Variants in VAV3 observed in about 807,000 individuals in gnomAD.
The protein encoded by VAV3 is guanine nucleotide exchange factor VAV3.
In VAV3, 94 loss-of-function variants were observed where a neutral mutation model predicts 131.2. That is an observed-to-expected ratio of 0.72 (90% CI 0.61 to 0.85). The LOEUF (loss-of-function observed/expected upper bound fraction) is 0.85. Ranked by LOEUF, VAV3 falls within the 40% of genes least tolerant of loss-of-function variation. The probability of loss-of-function intolerance (pLI) is 0.00; values close to 1 mark genes in which losing one functional copy is unlikely to be tolerated. For missense variants in VAV3, 939 were observed against 1,002.7 expected (o/e 0.94, Z 0.86); for synonymous variants, 349 against 342.0 (o/e 1.02, Z -0.22).
chr1:107,770,805 A>G, intron 5 of VAV3, 77 bp from the exon 6 acceptor site: 1 of 1,214,168 alleles, frequency 8.2e-7, no homozygotes, highest in African/African-American at 1.5e-5. Context: ...GATCAAAAGC[A>G]TTGCTGACTT....
chr1:107,806,635 C>A (rs1667070139), intron 2 of VAV3, among the ~76,000 whole-genome samples: 1 of 152,102 alleles, frequency 6.6e-6, no homozygotes, highest in Admixed American at 6.5e-5. Context: ...TAATAAAGCA[C>A]AGTGAACAAT....
At chr1:107,741,309 T>C (rs1213902698) in intron 15 of VAV3, among the ~76,000 whole-genome samples, 1 of 152,232 alleles carries the variant, frequency 6.6e-6, no homozygotes, top group African/African-American at 2.4e-5. Flanking sequence ...TAATTTTGAA[T>C]TGCTGGGTAA....
intron 4 of VAV3, among the ~76,000 whole-genome samples, chr1:107,775,497 G>A (rs1223967107): frequency 7.5e-6 from 1 of 132,860 alleles, no homozygotes; most frequent in East Asian, 2.6e-4. Flanking sequence ...AGAATCACTT[G>A]AACCCAGGAG....
chr1:107,868,751 A>C (rs562627576), intron 2 of VAV3, among the ~76,000 whole-genome samples: 1 of 152,314 alleles, frequency 6.6e-6, no homozygotes, highest in East Asian at 1.9e-4. Context: ...AACTTCGGTA[A>C]TAAAGATTAA....
At chr1:107,866,682 G>A (rs1188438816) in intron 2 of VAV3, among the ~76,000 whole-genome samples, 1 of 151,758 alleles carries the variant, frequency 6.6e-6, no homozygotes, top group Non-Finnish European at 1.5e-5. Flanking sequence ...AATTACCCAG[G>A]CATGATGGTG....
At chr1:107,587,912 G>T (rs1385157536) in intron 25 of VAV3, among the ~76,000 whole-genome samples, 1 of 152,104 alleles carries the variant, frequency 6.6e-6, no homozygotes. Flanking sequence ...TTTCAATTTA[G>T]AACATGAGGT....
chr1:107,623,936 T>C (rs1653796282), intron 20 of VAV3, among the ~76,000 whole-genome samples: 1 of 152,204 alleles, frequency 6.6e-6, no homozygotes, highest in South Asian at 2.1e-4. Context: ...AAGAAACTCA[T>C]ACCTTGGTCT....
intron 20 of VAV3, among the ~76,000 whole-genome samples, chr1:107,638,044 T>C (rs1300397250): frequency 6.6e-6 from 1 of 152,178 alleles, no homozygotes; most frequent in Non-Finnish European, 1.5e-5. Context: ...AAACTAGGAA[T>C]AGAAGGCAAT....
chr1:107,954,231 C>T (rs1285565459), intron 1 of VAV3, among the ~76,000 whole-genome samples: 1 of 152,040 alleles, frequency 6.6e-6, no homozygotes, highest in Non-Finnish European at 1.5e-5. Flanking sequence ...AAAAAAATGC[C>T]CTATCAAAGC....
At chr1:107,668,872 C>A (rs772409541) in intron 19 of VAV3, 152 of 985,364 alleles carry the variant, frequency 1.5e-4, no homozygotes, top group Non-Finnish European at 1.8e-4. Flanking sequence ...TAGCTTCTAG[C>A]TGGCAGTATC....
At chr1:107,811,650 AT>A (rs142202500) in intron 2 of VAV3, among the ~76,000 whole-genome samples, 47 of 152,354 alleles carry the variant, frequency 3.1e-4, no homozygotes, top group Non-Finnish European at 4.6e-4. Flanking sequence ...ACTGGAATTC[AT>A]AAAAAAGCAG....
intron 19 of VAV3, among the ~76,000 whole-genome samples, chr1:107,663,729 G>A (rs1657207937): frequency 6.6e-6 from 1 of 152,126 alleles, no homozygotes; most frequent in Non-Finnish European, 1.5e-5. Flanking sequence ...TATAATTTCA[G>A]CAAATAGTGT....
intron 1 of VAV3, among the ~76,000 whole-genome samples, chr1:107,933,797 C>T (rs1314269208): frequency 2.0e-5 from 1 of 48,798 alleles, no homozygotes; most frequent in Non-Finnish European, 4.2e-5. Context: ...GCCAGGGCAA[C>T]AAAATGAGAC....
At chr1:107,746,248 C>T (rs1236474422) in intron 15 of VAV3, among the ~76,000 whole-genome samples, 1 of 152,190 alleles carries the variant, frequency 6.6e-6, no homozygotes, top group African/African-American at 2.4e-5. Flanking sequence ...ATGGAATATT[C>T]TGATGCCTGC....
intron 15 of VAV3, among the ~76,000 whole-genome samples, chr1:107,725,041 C>T (rs1661754057): frequency 6.6e-6 from 1 of 152,040 alleles, no homozygotes; most frequent in South Asian, 2.1e-4. Flanking sequence ...ATAGAGATGA[C>T]CATAGCAATC....
At chr1:107,587,256 G>T (rs1361648032) in intron 25 of VAV3, among the ~76,000 whole-genome samples, 1 of 152,202 alleles carries the variant, frequency 6.6e-6, no homozygotes, top group African/African-American at 2.4e-5. Flanking sequence ...TATGTAGTCA[G>T]CTTATTAATG....
At chr1:107,607,745 T>G in intron 22 of VAV3, among the ~76,000 whole-genome samples, 1 of 152,210 alleles carries the variant, frequency 6.6e-6, no homozygotes, top group East Asian at 1.9e-4. Context: ...CATAGATTAT[T>G]GAAGACAATC....
chr1:107,714,593 T>C (rs1660981645), intron 15 of VAV3, among the ~76,000 whole-genome samples: 1 of 152,128 alleles, frequency 6.6e-6, no homozygotes, highest in Non-Finnish European at 1.5e-5. Context: ...ATGAAAGATA[T>C]ATTCATACAA....
rs75558841 is a variant in VAV3 at position 107,896,829 on chromosome 1, A to C, written c.205-21812T>G. ...GTTTTTGTTATGTATTAGAGGGGAA[A>C]TATGAAACATTTGCCAGTTAGTTTA... On this transcript the variant is annotated intron_variant, in intron 1 of 26. Coordinates refer to ENST00000370056, the MANE Select transcript of VAV3 (RefSeq NM_006113.5). Among the ~76,000 whole-genome samples, 403 of 152,324 alleles carry C rather than the reference A, an allele frequency of 2.6e-3. 1 individual carries two copies. Among genetic ancestry groups the C allele is most frequent in the African/African-American group, 9.3e-3 (387 of 41,584 alleles).
Sources: allele counts gnomAD v4.1 joint callset (sites outside exome capture counted in the v4.1 genomes callset), GRCh38; gene constraint gnomAD v4.1.1; transcripts MANE v1.5; gene names NCBI Gene and HGNC (gene_info 2026-07-23, HGNC 2026-07-21).